Variants in TMEM74 observed in about 807,000 individuals in gnomAD.
TMEM74 encodes the protein transmembrane protein 74.
A neutral mutation model predicts 18.1 loss-of-function variants in TMEM74; 13 were observed. That is an observed-to-expected ratio of 0.72 (90% CI 0.47 to 1.14). TMEM74 has a LOEUF of 1.14. Among genes scored for constraint, TMEM74 ranks in the 50% most tolerant of loss-of-function variants. The pLI, the probability that TMEM74 is intolerant of heterozygous loss-of-function variation, is 0.00. For missense variants in TMEM74, 372 were observed against 375.9 expected, an observed-to-expected ratio of 0.99 and a Z score of 0.09; for synonymous variants, 159 against 146.6, an observed-to-expected ratio of 1.08 and a Z score of -0.61.
rs1167602872 is a variant in TMEM74 at position 108,780,303 on chromosome 8, A to G, written c.*3878T>C. Reference sequence around the variant, plus strand: ...TATAGAACACTTTTTTAACTTGACAATTAATCCAAGTAAAATTTTGCATAC... The same window carrying G: ...TATAGAACACTTTTTTAACTTGACAGTTAATCCAAGTAAAATTTTGCATAC... On this transcript the variant is annotated 3_prime_UTR_variant, in exon 2 of 2. Transcript: ENST00000297459. Among the ~76,000 whole-genome samples, 2 of 152,142 alleles carry G rather than the reference A, an allele frequency of 1.3e-5. No homozygotes were observed. The highest frequency in any genetic ancestry group is 2.9e-5 in the Non-Finnish European group (2 of 68,012).
rs147346129 is a variant in TMEM74 at position 108,717,880 on chromosome 8, G to A, written n.120-62443C>T. On this transcript the variant is annotated intron_variant and non_coding_transcript_variant, in intron 1 of 3. Transcript: ENST00000518838. ...CCTTCAGGGGCATTTTAAGGACTTA[G>A]GGTTTTGTTCTCAGTGAGATGGGGA... Among the ~76,000 whole-genome samples the A allele has an allele frequency of 3.8e-3, 582 of 151,416 alleles. 1 individual carries two copies. The highest frequency in any genetic ancestry group is 0.012 in the African/African-American group (515 of 41,430).
At chr8:108,683,467 G>A (rs996842913) in intron 1 of TMEM74, among the ~76,000 whole-genome samples, 1 of 151,724 alleles carries the variant, frequency 6.6e-6, no homozygotes, top group African/African-American at 2.4e-5. Context: ...TAAGAATGAT[G>A]TAGCATTCGG....
At chr8:108,774,733 G>A (rs537426554), downstream of TMEM74, among the ~76,000 whole-genome samples, 388 of 151,228 alleles carry the variant, frequency 2.6e-3, 1 homozygote, top group African/African-American at 8.6e-3. Flanking sequence ...TGGCAGATGT[G>A]CCATAGTCTC....
At chr8:108,645,935 T>C (rs561438774) in intron 2 of TMEM74, among the ~76,000 whole-genome samples, 4 of 152,302 alleles carry the variant, frequency 2.6e-5, no homozygotes, top group African/African-American at 7.2e-5. Flanking sequence ...ATAGGTTGAA[T>C]TGTAATGAAT....
intron 2 of TMEM74, among the ~76,000 whole-genome samples, chr8:108,651,808 T>C (rs1221353217): frequency 6.6e-6 from 1 of 152,090 alleles, no homozygotes; most frequent in Non-Finnish European, 1.5e-5. Context: ...GATATATGTG[T>C]ATGCATTGCA....
chr8:108,641,698 G>A (rs891229243), intron 2 of TMEM74, among the ~76,000 whole-genome samples: 2 of 152,056 alleles, frequency 1.3e-5, no homozygotes, highest in Admixed American at 6.6e-5. Context: ...AGGCCGCCTT[G>A]GTCTGGATAG....
At chr8:108,632,829 A>G (rs1001891040) in intron 2 of TMEM74, among the ~76,000 whole-genome samples, 6 of 151,976 alleles carry the variant, frequency 3.9e-5, no homozygotes, top group African/African-American at 7.2e-5. Flanking sequence ...TATTGACAAA[A>G]TGAGAGTTGG....
At chr8:108,640,105 A>G (rs1051526038) in intron 2 of TMEM74, among the ~76,000 whole-genome samples, 4 of 142,244 alleles carry the variant, frequency 2.8e-5, no homozygotes, top group Non-Finnish European at 6.1e-5. Flanking sequence ...TTACTCTTTT[A>G]TAGTAATCAC....
intron 1 of TMEM74, among the ~76,000 whole-genome samples, chr8:108,736,930 C>A (rs958022167): frequency 6.6e-6 from 1 of 152,066 alleles, no homozygotes; most frequent in African/African-American, 2.4e-5. Flanking sequence ...CAATTTCTTT[C>A]TATAAATGTA....
intron 1 of TMEM74, among the ~76,000 whole-genome samples, chr8:108,751,129 ATACCT>A (rs1156922260): frequency 6.6e-6 from 1 of 152,134 alleles, no homozygotes; most frequent in Non-Finnish European, 1.5e-5. Flanking sequence ...TTGGGGACAG[ATACCT>A]TACAATATTA....
chr8:108,752,326 C>T (rs965566117), intron 1 of TMEM74, among the ~76,000 whole-genome samples: 13 of 152,022 alleles, frequency 8.6e-5, no homozygotes, highest in Non-Finnish European at 1.3e-4. Flanking sequence ...TTACTTCATA[C>T]GGCTGTTGAG....
chr8:108,738,013 G>C (rs956382581), intron 1 of TMEM74, among the ~76,000 whole-genome samples: 47 of 152,012 alleles, frequency 3.1e-4, no homozygotes, highest in Non-Finnish European at 5.7e-4. Flanking sequence ...AAACTACTCT[G>C]GTTTTTACTA....
chr8:108,768,837 AGT>A (rs1814139465), intron 1 of TMEM74, among the ~76,000 whole-genome samples: 1 of 152,200 alleles, frequency 6.6e-6, no homozygotes. Flanking sequence ...AGTAGACCTC[AGT>A]AGAAGGGTAA....
chr8:108,653,987 G>T (rs983451361), intron 2 of TMEM74, among the ~76,000 whole-genome samples: 3 of 151,970 alleles, frequency 2.0e-5, no homozygotes, highest in Admixed American at 6.6e-5. Flanking sequence ...AAGATGTATT[G>T]CTTATACAAT....
In TMEM74 at chr8:108,718,021, G is replaced by C. The variant is rs1351474236; in HGVS notation, n.120-62584C>G. ...TCACCCAGGCTGGAGTGCAGTGGCG[G>C]GATCTCGGCTCACTGCAAGCTCCGC... On this transcript the variant is annotated intron_variant and non_coding_transcript_variant, in intron 1 of 3. Coordinates refer to the TMEM74 transcript ENST00000518838. 1.8e-4 allele frequency among the ~76,000 whole-genome samples: 11 copies of C among 61,734 alleles called. 1 individual carries two copies. The East Asian group carries it at 4.2e-3, about 24-fold the overall frequency. 40.5% of individuals were successfully genotyped at this position (61,734 alleles called of 152,430 possible).
At chr8:108,665,782 C>A (rs561869184) in intron 1 of TMEM74, among the ~76,000 whole-genome samples, 128 of 152,100 alleles carry the variant, frequency 8.4e-4, no homozygotes, top group Non-Finnish European at 1.0e-3. Flanking sequence ...TATTTTGGAG[C>A]GTCTGACTTA....
intron 1 of TMEM74, among the ~76,000 whole-genome samples, chr8:108,766,224 C>T (rs1377438820): frequency 6.6e-6 from 1 of 151,546 alleles, no homozygotes; most frequent in Non-Finnish European, 1.5e-5. Flanking sequence ...TCCTTCCTTC[C>T]TTTCTTCTTT....
chr8:108,670,026 A>C (rs1812987210), intron 1 of TMEM74, among the ~76,000 whole-genome samples: 1 of 125,592 alleles, frequency 8.0e-6, no homozygotes, highest in African/African-American at 3.1e-5. Context: ...TGACAGAGTA[A>C]GATTCTGTGA....
At chr8:108,713,461 T>C (rs1025575155) in intron 1 of TMEM74, among the ~76,000 whole-genome samples, 1 of 152,318 alleles carries the variant, frequency 6.6e-6, no homozygotes, top group African/African-American at 2.4e-5. Flanking sequence ...ATTCAATACA[T>C]ATTTTTTATC....
Sources: gnomAD v4.1 joint callset for allele counts (sites outside exome capture counted in the v4.1 genomes callset) on GRCh38, gnomAD v4.1.1 for gene constraint, MANE v1.5 for transcripts, NCBI Gene and HGNC (gene_info 2026-07-23, HGNC 2026-07-21) for gene names.